Variants in GYPE observed in about 807,000 individuals in gnomAD.
GYPE encodes the protein glycophorin E (MNS blood group).
A neutral mutation model predicts 11.6 loss-of-function variants in GYPE; 8 were observed. The ratio of observed to expected loss-of-function variants is 0.69; its 90% CI spans 0.41 to 1.25. The LOEUF is 1.25. Among genes scored for constraint, GYPE ranks in the 50% most tolerant of loss-of-function variants. GYPE has a pLI of 0.01. For synonymous variants in GYPE, 28 were observed against 29.6 expected (o/e 0.94, Z 0.18); for missense variants, 90 against 92.8 (o/e 0.97, Z 0.12).
chr4:143,897,641 G>A (rs1212239023), intron 1 of GYPE, among the ~76,000 whole-genome samples: 1 of 152,128 alleles, frequency 6.6e-6, no homozygotes, highest in Non-Finnish European at 1.5e-5. Flanking sequence ...ATTATGTTTT[G>A]AGCCTGATGA....
At position 143,874,220 on chromosome 4, in the gene GYPE, A is replaced by G. The variant is rs544539280; in HGVS notation, c.*10-1968T>C. ...TTAAGAAGCTAGAAAAAAAGTGTAA[A>G]GAAAAAGACAAAAATTAGCTATAAT... On this transcript the variant is annotated intron_variant, in intron 3 of 3. Transcript: ENST00000358615. 2.5e-3 allele frequency among the ~76,000 whole-genome samples: 378 copies of G among 152,294 alleles called. 1 individual carries two copies. The highest frequency in any genetic ancestry group is 4.1e-3 in the Non-Finnish European group (279 of 68,026).
At chr4:143,889,148 G>T (rs1480844602) in intron 1 of GYPE, among the ~76,000 whole-genome samples, 1 of 150,506 alleles carries the variant, frequency 6.6e-6, no homozygotes, top group Non-Finnish European at 1.5e-5. Context: ...GAAGGGTGCT[G>T]TATTTATTCT....
intron 1 of GYPE, among the ~76,000 whole-genome samples, chr4:143,895,348 C>G (rs902785741): frequency 2.0e-5 from 3 of 152,120 alleles, no homozygotes; most frequent in Non-Finnish European, 4.4e-5. Context: ...CACAAGCATT[C>G]TTATACAACA....
Position 143,871,183 on chromosome 4 carries a change from C to T in GYPE, c.*1079G>A, listed in dbSNP as rs1271769543. On this transcript the variant is annotated 3_prime_UTR_variant, in exon 4 of 4. Coordinates refer to ENST00000358615, the MANE Select transcript of GYPE (RefSeq NM_198682.3). ...AGATGAGATTTGAGTGGGAACACAG[C>T]CAAACCATATCAGTCATTCCACATA... 5 of 151,828 alleles carry T rather than the reference C, an allele frequency of 3.3e-5. No homozygotes were observed. The highest frequency in any genetic ancestry group is 4.9e-5 in the African/African-American group (2 of 41,154). The allele number at this position is 151,828 out of a possible 1,614,324, so 9.4% of individuals were successfully genotyped here.
chr4:143,876,328 G>T (rs1402114871), intron 3 of GYPE, among the ~76,000 whole-genome samples: 2 of 151,972 alleles, frequency 1.3e-5, no homozygotes, highest in African/African-American at 4.8e-5. Context: ...TGCTCAGGCT[G>T]GTCTCAAACT....
intron 3 of GYPE, chr4:143,875,429 G>A (rs1743757602): frequency 1.3e-6 from 2 of 1,549,250 alleles, no homozygotes; most frequent in East Asian, 2.4e-5. Context: ...AGCAGGTGCA[G>A]CCAGTTTGCA....
At chr4:143,893,458 C>T (rs1364913703) in intron 1 of GYPE, among the ~76,000 whole-genome samples, 1 of 151,314 alleles carries the variant, frequency 6.6e-6, no homozygotes, top group Non-Finnish European at 1.5e-5. Context: ...CCGGATGTGC[C>T]TTTCCATGTT....
At position 143,879,976 on chromosome 4, in the gene GYPE, G is replaced by C. The variant is rs548167550; in HGVS notation, c.136+435C>G. On this transcript the variant is annotated intron_variant, in intron 2 of 3. Coordinates refer to ENST00000358615, the MANE Select transcript of GYPE (RefSeq NM_198682.3). ...TATTTAGCCTTTAGAGAAATGCTGT[G>C]AGATAAGTACTGTGTTATTGGCCCC... is the stretch of plus-strand genomic sequence containing the variant. Among the ~76,000 whole-genome samples, 15 of 152,180 alleles carry C rather than the reference G, an allele frequency of 9.9e-5. No homozygotes were observed. In the East Asian group the frequency reaches 2.9e-3, roughly 30 times the overall value.
chr4:143,894,704 AAG>A (rs1359461657), intron 1 of GYPE, among the ~76,000 whole-genome samples: 1 of 152,212 alleles, frequency 6.6e-6, no homozygotes, highest in Non-Finnish European at 1.5e-5. Flanking sequence ...ACAACCAAAA[AAG>A]AGAATTTTAG....
intron 1 of GYPE, among the ~76,000 whole-genome samples, chr4:143,898,173 T>G (rs1221267191): frequency 6.6e-6 from 1 of 152,156 alleles, no homozygotes; most frequent in East Asian, 1.9e-4. Context: ...GCTCAGGAGT[T>G]GGAGACCAGC....
At chr4:143,891,375 C>T (rs1744398512) in intron 1 of GYPE, among the ~76,000 whole-genome samples, 1 of 144,182 alleles carries the variant, frequency 6.9e-6, no homozygotes, top group Admixed American at 7.1e-5. Flanking sequence ...GTCGCCCAAG[C>T]TGGAGTGCAG....
At chr4:143,901,448 C>G (rs528614101) in intron 1 of GYPE, among the ~76,000 whole-genome samples, 2 of 144,754 alleles carry the variant, frequency 1.4e-5, no homozygotes, top group Non-Finnish European at 3.0e-5. Flanking sequence ...TCTTACAATC[C>G]CAACACTCAG....
intron 1 of GYPE, among the ~76,000 whole-genome samples, chr4:143,901,652 G>A (rs1338043236): frequency 7.7e-6 from 1 of 129,060 alleles, no homozygotes; most frequent in Non-Finnish European, 1.7e-5. Flanking sequence ...TTTTTTTTTT[G>A]AGCAAAAGAT....
At chr4:143,872,813 T>G (rs1743662376) in intron 3 of GYPE, among the ~76,000 whole-genome samples, 1 of 151,796 alleles carries the variant, frequency 6.6e-6, no homozygotes, top group South Asian at 2.1e-4. Flanking sequence ...AAGAGCAAGC[T>G]TAGTAAGTTG....
rs776404539 is a variant in GYPE at position 143,878,702 on chromosome 4, G to A, written c.136+1709C>T. On this transcript the variant is annotated intron_variant, in intron 2 of 3. Transcript: ENST00000358615. ...CCTATAAAGCGAAATTTCAATGTAAGTCCAAATAAGTAAGACGTGCAAAGA... is the reference window on the plus strand; with the variant it reads ...CCTATAAAGCGAAATTTCAATGTAAATCCAAATAAGTAAGACGTGCAAAGA... The A allele has an allele frequency of 1.0e-5, 5 of 491,114 alleles. No homozygotes were observed. In the Admixed American group the frequency reaches 1.1e-4, roughly 11 times the overall value. The allele number at this position is 491,114 out of a possible 1,614,324, so 30.4% of individuals were successfully genotyped here.
chr4:143,872,789 C>G (rs539859470), intron 3 of GYPE, among the ~76,000 whole-genome samples: 2 of 152,078 alleles, frequency 1.3e-5, no homozygotes, highest in African/African-American at 4.8e-5. Context: ...AAAATTAGAA[C>G]AAAGTTCCTA....
chr4:143,882,153 T>C (rs1744044128), intron 1 of GYPE, among the ~76,000 whole-genome samples: 1 of 152,184 alleles, frequency 6.6e-6, no homozygotes, highest in South Asian at 2.1e-4. Context: ...CATGTGTGTA[T>C]AAACGATTGC....
intron 2 of GYPE, among the ~76,000 whole-genome samples, chr4:143,877,922 A>C (rs1290994371): frequency 1.4e-5 from 2 of 147,400 alleles, no homozygotes; most frequent in Non-Finnish European, 3.0e-5. Context: ...GCTGAGATTT[A>C]CCCTTGAAAT....
In GYPE at chr4:143,894,243, C is replaced by G. The variant is rs139692057; in HGVS notation, c.37+11228G>C. Among the ~76,000 whole-genome samples the G allele has an allele frequency of 6.9e-3, 1,053 of 151,754 alleles. 12 individuals are homozygous for G. Among genetic ancestry groups the G allele is most frequent in the African/African-American group, 0.024 (978 of 41,324 alleles). ...TTTTTCAAAGTTTTCAACTTCTGTG[C>G]CTTTGGTTTGAATTTCCTCCTGTAG... On this transcript the variant is annotated intron_variant, in intron 1 of 3. Transcript: ENST00000358615.
Sources: allele counts gnomAD v4.1 joint callset (sites outside exome capture counted in the v4.1 genomes callset), GRCh38; gene constraint gnomAD v4.1.1; transcripts MANE v1.5; gene names NCBI Gene and HGNC (gene_info 2026-07-23, HGNC 2026-07-21).